SLC6A19: variants seen among roughly 807,000 people sequenced by gnomAD.
The protein encoded by SLC6A19 is solute carrier family 6 member 19.
In SLC6A19, 67 loss-of-function variants were observed where a neutral mutation model predicts 68.3. The ratio of observed to expected loss-of-function variants is 0.98; its 90% CI spans 0.81 to 1.20. The LOEUF (loss-of-function observed/expected upper bound fraction) is 1.20. Among genes scored for constraint, SLC6A19 ranks in the 50% most tolerant of loss-of-function variants. SLC6A19 has a pLI of 0.00. For synonymous variants in SLC6A19, 392 were observed against 374.9 expected, an observed-to-expected ratio of 1.05 and a Z score of -0.53; for missense variants, 813 against 851.6, an observed-to-expected ratio of 0.95 and a Z score of 0.56.
chr5:1,217,059 G>C (rs952744770), intron 8 of SLC6A19, 114 bp downstream of exon 8: 5 of 1,523,556 alleles, frequency 3.3e-6, no homozygotes, highest in Non-Finnish European at 3.6e-6. Context: ...AGCTTCAGCC[G>C]GGAGGCCCAG....
chr5:1,208,655 G>T, intron 1 of SLC6A19, 91 bp from the exon 2 acceptor site: 1 of 1,583,050 alleles, frequency 6.3e-7, no homozygotes, highest in Non-Finnish European at 8.6e-7. Flanking sequence ...CATAGGGGCT[G>T]CAAGGTTTGC....
chr5:1,221,124 A>G, intron 10 of SLC6A19, 27 bp from the exon 11 acceptor site: 1 of 1,610,594 alleles, frequency 6.2e-7, no homozygotes, highest in Non-Finnish European at 8.5e-7. Context: ...TGGTAGCAGC[A>G]GTGACAGCTG....
At chr5:1,204,916 A>G (rs1349950102) in intron 1 of SLC6A19, among the ~76,000 whole-genome samples, 1 of 124,404 alleles carries the variant, frequency 8.0e-6, no homozygotes, top group Non-Finnish European at 2.0e-5. Flanking sequence ...CTGGAGAGAG[A>G]AAAAAGGGGA....
chr5:1,204,861 G>C (rs1321280477), intron 1 of SLC6A19, among the ~76,000 whole-genome samples: 2 of 152,236 alleles, frequency 1.3e-5, no homozygotes, highest in Non-Finnish European at 2.9e-5. Flanking sequence ...CTAATTCTTA[G>C]CAAAAATCCA....
In SLC6A19 at chr5:1,216,951, T is replaced by C; in HGVS notation, c.1173+6T>C. ...TCAACGCCTTCCTCTCAGAGGTAGG[T>C]CCATTCCGGAGCTCGAGGCAGGGAG... On this transcript the variant is annotated splice_donor_region_variant and intron_variant, in intron 8 of 11. Coordinates refer to ENST00000304460, the MANE Select transcript of SLC6A19 (RefSeq NM_001003841.3). The C allele has an allele frequency of 6.2e-7, 1 of 1,612,302 alleles. No individual in the cohort carries two copies. The highest frequency in any genetic ancestry group is 8.5e-7 in the Non-Finnish European group (1 of 1,179,958).
In SLC6A19 at chr5:1,217,399, C is replaced by T. The variant is rs751574320; in HGVS notation, c.1173+454C>T. ...CTGATGTCGAGGATACTCCACGTAACGAGTGTTTTTGAATACTATTTCCAC... is the reference window on the plus strand; with the variant it reads ...CTGATGTCGAGGATACTCCACGTAATGAGTGTTTTTGAATACTATTTCCAC... On this transcript the variant is annotated intron_variant, in intron 8 of 11. Coordinates refer to ENST00000304460, the MANE Select transcript of SLC6A19 (RefSeq NM_001003841.3). Among the ~76,000 whole-genome samples the T allele has an allele frequency of 7.2e-5, 11 of 152,346 alleles. 1 individual carries two copies. The highest frequency in any genetic ancestry group is 2.1e-4 in the South Asian group (1 of 4,832).
At chr5:1,210,361 T>C in intron 2 of SLC6A19, 83 bp from the exon 3 acceptor site, 1 of 1,584,656 alleles carries the variant, frequency 6.3e-7, no homozygotes, top group Non-Finnish European at 8.6e-7. Flanking sequence ...GTGCCAGCCC[T>C]GGGACCTCCT....
Position 1,201,806 on chromosome 5 carries a change from C to G in SLC6A19, c.156C>G (p.Leu52=). The change falls in exon 1 of 12, where the codon CTC becomes CTG. Residue 52 remains leucine (L), a synonymous_variant. Transcript: ENST00000304460. ...CCTGCCTGGGCTTCTGCGTGGGCCT[C>G]GGCAACGTGTGGCGCTTCCCCTACC... ...MLTCLGFCVG[L]GNVWRFPYLC... 1 of 1,612,464 alleles carries G rather than the reference C, an allele frequency of 6.2e-7. No homozygotes were observed. The highest frequency in any genetic ancestry group is 8.5e-7 in the Non-Finnish European group (1 of 1,179,888).
rs1746193612 is a variant in SLC6A19, at chr5:1,215,856, AG to A, written c.888-700del. 6.6e-6 allele frequency among the ~76,000 whole-genome samples: 1 copy of A among 152,202 alleles called. No homozygotes were observed. The highest frequency in any genetic ancestry group is 1.5e-5 in the Non-Finnish European group (1 of 68,036). On this transcript the variant is annotated intron_variant, in intron 6 of 11. Coordinates refer to ENST00000304460, the MANE Select transcript of SLC6A19 (RefSeq NM_001003841.3). This position sits in a 1 kb window ranked among gnomAD's most constrained non-coding sequence, Gnocchi z 5.1. Reference sequence around the variant, plus strand: ...ACCACTCACGTTCCCACCAGCGTGCAGGAAGCTCCAGTTTCCCCGTATCCTC... The same window carrying A: ...ACCACTCACGTTCCCACCAGCGTGCAGAAGCTCCAGTTTCCCCGTATCCTC...
rs1031747041 is a variant in SLC6A19 at position 1,222,124 on chromosome 5, C to A, written c.*220C>A. On this transcript the variant is annotated 3_prime_UTR_variant, in exon 12 of 12. Transcript: ENST00000304460. ...GTGTGAGTGTGCACGTGTATGCACA[C>A]ATATACATGTGTGTGGGTGTGTGTA... 47 of 611,640 alleles carry A rather than the reference C, an allele frequency of 7.7e-5. No individual in the cohort carries two copies. Among genetic ancestry groups the A allele is most frequent in the Non-Finnish European group, 1.1e-4 (39 of 345,392 alleles). 37.9% of individuals were successfully genotyped at this position (611,640 alleles called of 1,614,324 possible). A position where few individuals can be genotyped will look rare whatever the true frequency, so the allele number is the denominator to read the frequency against.
Position 1,224,698 on chromosome 5 carries a change from T to C in SLC6A19, c.*2794T>C, listed in dbSNP as rs943469386. The C allele has an allele frequency of 2.6e-5, 4 of 152,386 alleles. No homozygotes were observed. The highest frequency in any genetic ancestry group is 7.2e-5 in the African/African-American group (3 of 41,470). The allele number at this position is 152,386 out of a possible 1,614,324, so 9.4% of individuals were successfully genotyped here. ...TTGAGGGGTGCAGTGTCCAGTGGAA[T>C]GGGGCAATTGCGGGCCTGGGGGCCC... On this transcript the variant is annotated 3_prime_UTR_variant, in exon 12 of 12. Transcript: ENST00000304460.
In SLC6A19 at chr5:1,216,639, C is replaced by T. The variant is rs763663833; in HGVS notation, c.969C>T (p.Ser323=). The change falls in exon 7 of 12, where the codon TCC becomes TCT. Residue 323 remains serine, a synonymous_variant. Transcript: ENST00000304460. ...TSVYVAIVVY[S]VIGFRATQRY... is the part of the protein sequence containing the mutation. Reference sequence around the variant, plus strand: ...TGTATGTGGCCATCGTGGTCTACTCCGTCATTGGGTTCCGCGCCACACAGC... The same window carrying T: ...TGTATGTGGCCATCGTGGTCTACTCTGTCATTGGGTTCCGCGCCACACAGC... 21 of 1,613,944 alleles carry T rather than the reference C, an allele frequency of 1.3e-5. No homozygotes were observed. Among genetic ancestry groups the T allele is most frequent in the Middle Eastern group, 1.6e-4 (1 of 6,084 alleles).
At position 1,218,565 on chromosome 5, in the gene SLC6A19, T is replaced by A. The variant is rs1213548859; in HGVS notation, c.1174-338T>A. On this transcript the variant is annotated intron_variant, in intron 8 of 11. Coordinates refer to ENST00000304460, the MANE Select transcript of SLC6A19 (RefSeq NM_001003841.3). ...TCCAGGGTATGCGTTTATTAACAGG[T>A]GACTCGCGTAACACCTTGGGTACGT... 3.3e-5 allele frequency among the ~76,000 whole-genome samples: 5 copies of A among 152,292 alleles called. No homozygotes were observed. In the East Asian group the frequency reaches 9.6e-4, roughly 29 times the overall value.
In SLC6A19 at chr5:1,216,687, G is replaced by GT; in HGVS notation, c.1016+2dup. The GT allele has an allele frequency of 6.2e-7, 1 of 1,613,766 alleles. No homozygotes were observed. Among genetic ancestry groups the GT allele is most frequent in the Non-Finnish European group, 8.5e-7 (1 of 1,180,036 alleles). ...AGCGCTACGACGACTGCTTCAGCAC[G>GT]TGAGTGGCTGTCCCACCATCCTGGT... is the stretch of plus-strand genomic sequence containing the variant. On this transcript the variant is annotated splice_donor_variant, in intron 7 of 11. Transcript: ENST00000304460. LOFTEE classifies it high-confidence loss of function.
At position 1,209,667 on chromosome 5, in the gene SLC6A19, T is replaced by A. The variant is rs4533934; in HGVS notation, c.344-777T>A. Among the ~76,000 whole-genome samples, 2 of 145,676 alleles carry A rather than the reference T, an allele frequency of 1.4e-5. No homozygotes were observed. Among genetic ancestry groups the A allele is most frequent in the Non-Finnish European group, 3.0e-5 (2 of 66,326 alleles). On this transcript the variant is annotated intron_variant, in intron 2 of 11. Coordinates refer to ENST00000304460, the MANE Select transcript of SLC6A19 (RefSeq NM_001003841.3). The surrounding 1 kb of genome is among the most constrained non-coding windows in gnomAD (Gnocchi z 5.5). ...TCTCTTTCCCCTCCTATTCTCTCCC[T>A]TCCCCCCTCTCTCTCATCCTCCTCC...
At position 1,215,215 on chromosome 5, in the gene SLC6A19, G is replaced by A. The variant is rs1472920769; in HGVS notation, c.887+1150G>A. Among the ~76,000 whole-genome samples the A allele has an allele frequency of 6.6e-6, 1 of 152,112 alleles. No homozygotes were observed. Among genetic ancestry groups the A allele is most frequent in the Non-Finnish European group, 1.5e-5 (1 of 68,012 alleles). On this transcript the variant is annotated intron_variant, in intron 6 of 11. Coordinates refer to ENST00000304460, the MANE Select transcript of SLC6A19 (RefSeq NM_001003841.3). The surrounding 1 kb of genome is among the most constrained non-coding windows in gnomAD (Gnocchi z 5.1). ...GACTTTTTCGTGGAGTGGCTGAGGT[G>A]GAACTGAGGGTGAATTATTTTTATA...
intron 3 of SLC6A19, 26 bp downstream of exon 3, chr5:1,210,607 C>G (rs200830275): frequency 6.2e-7 from 1 of 1,610,900 alleles, no homozygotes; most frequent in South Asian, 1.1e-5. Context: ...CAGCCCCATC[C>G]GTCTCACCTG....
rs1246076264 is a variant in SLC6A19, at chr5:1,219,066, TCA to T, written c.1338_1339del (p.Arg447SerfsTer69). ...GGCGTCGTTGTGCCCCTGCAGGACC[TCA>T]GAGTCATCCCCCCGAAGTGGCCCAA... On this transcript the variant is annotated frameshift_variant, in exon 9 of 12. Coordinates refer to ENST00000304460, the MANE Select transcript of SLC6A19 (RefSeq NM_001003841.3). LOFTEE classifies it high-confidence loss of function. 9 of 1,613,776 alleles carry T rather than the reference TCA, an allele frequency of 5.6e-6. No homozygotes were observed. The highest frequency in any genetic ancestry group is 1.3e-5 in the African/African-American group (1 of 74,902).
intron 3 of SLC6A19, among the ~76,000 whole-genome samples, chr5:1,211,406 AG>A (rs1203793623): frequency 6.6e-6 from 1 of 152,250 alleles, no homozygotes; most frequent in African/African-American, 2.4e-5. Flanking sequence ...GTTGCAGGCA[AG>A]GGCCCCAGCC....
Sources: allele counts gnomAD v4.1 joint callset (sites outside exome capture counted in the v4.1 genomes callset), GRCh38; gene constraint gnomAD v4.1.1; non-coding constraint Gnocchi (gnomAD v3.1); transcripts MANE v1.5; gene names NCBI Gene and HGNC (gene_info 2026-07-23, HGNC 2026-07-21).